IL1RAPL2: variants seen among roughly 807,000 people sequenced by gnomAD.
The protein encoded by IL1RAPL2 is X-linked interleukin-1 receptor accessory protein-like 2.
Under a neutral mutation model 44.1 loss-of-function variants are expected in IL1RAPL2, and 3 were observed. The ratio of observed to expected loss-of-function variants is 0.07; its 90% CI spans 0.03 to 0.18. The LOEUF (loss-of-function observed/expected upper bound fraction) is 0.18. Among genes scored for constraint, IL1RAPL2 ranks in the 10% least tolerant of loss-of-function variants. IL1RAPL2 has a pLI of 1.00. For synonymous variants in IL1RAPL2, 181 were observed against 178.8 expected, an observed-to-expected ratio of 1.01 and a Z score of -0.10; for missense variants, 391 against 496.4, an observed-to-expected ratio of 0.79 and a Z score of 2.02.
At chrX:105,186,690 T>C (rs1039151446) in intron 2 of IL1RAPL2, among the ~76,000 whole-genome samples, 2 of 111,792 alleles carry the variant, frequency 1.8e-5, no homozygotes, top group Non-Finnish European at 3.8e-5. Context: ...TTATTCCTGT[T>C]TGTTAGATGC....
chrX:104,625,921 T>G (rs1929497832), intron 1 of IL1RAPL2, among the ~76,000 whole-genome samples: 1 of 111,258 alleles, frequency 9.0e-6, no homozygotes, highest in South Asian at 3.8e-4. Context: ...CTGTATAATC[T>G]TCAGGCAACT....
intron 2 of IL1RAPL2, among the ~76,000 whole-genome samples, chrX:104,770,201 T>G (rs1050307253): frequency 1.8e-5 from 2 of 111,284 alleles, no homozygotes; most frequent in African/African-American, 6.5e-5. Flanking sequence ...CCCAGAATAA[T>G]CTTAGCCCTT....
intron 3 of IL1RAPL2, among the ~76,000 whole-genome samples, chrX:105,198,460 A>G (rs142393631): frequency 0.013 from 1,487 of 112,266 alleles, 28 homozygotes; most frequent in African/African-American, 0.046. Flanking sequence ...TCTTCGATTT[A>G]CGTAGTTATT....
At chrX:105,207,700 A>G (rs958550231) in intron 3 of IL1RAPL2, among the ~76,000 whole-genome samples, 4 of 111,681 alleles carry the variant, frequency 3.6e-5, no homozygotes, top group Admixed American at 9.5e-5. Context: ...GCTTCTTGCA[A>G]TTCTTCAGCT....
chrX:105,568,514 A>G (rs1350979805), intron 6 of IL1RAPL2, among the ~76,000 whole-genome samples: 1 of 111,893 alleles, frequency 8.9e-6, no homozygotes, highest in Non-Finnish European at 1.9e-5. Flanking sequence ...CTGATGGGAA[A>G]TGAAGGGTGT....
At chrX:105,544,083 T>G (rs2036768182) in intron 6 of IL1RAPL2, among the ~76,000 whole-genome samples, 2 of 112,085 alleles carry the variant, frequency 1.8e-5, no homozygotes, top group Non-Finnish European at 3.8e-5. Flanking sequence ...ATATTTTCTT[T>G]AATTTCTCTC....
chrX:104,885,266 C>T lies in IL1RAPL2; in HGVS notation c.82+226271C>T, dbSNP rs192037764. Among the ~76,000 whole-genome samples, 172 of 111,750 alleles carry T rather than the reference C, an allele frequency of 1.5e-3. 1 individual carries two copies. Among genetic ancestry groups the T allele is most frequent in the Non-Finnish European group, 2.6e-3 (140 of 53,144 alleles). On this transcript the variant is annotated intron_variant, in intron 2 of 10. Transcript: ENST00000372582. ...ACAAATTCCCTACTGGTCAGCAAGC[C>T]ATCCCCAGTATGGATCCCCACTGGG...
intron 6 of IL1RAPL2, among the ~76,000 whole-genome samples, chrX:105,686,642 C>A (rs1351999433): frequency 9.0e-6 from 1 of 111,078 alleles, no homozygotes; most frequent in Non-Finnish European, 1.9e-5. Context: ...TAACACCCCA[C>A]TGTCTGTATT....
intron 2 of IL1RAPL2, among the ~76,000 whole-genome samples, chrX:104,985,305 C>T (rs766594335): frequency 0.16 from 22 of 138 alleles, no homozygotes; most frequent in Non-Finnish European, 0.21. Flanking sequence ...CCAGGCTGGT[C>T]TCGAACTCCT....
At position 104,620,333 on chromosome X, in the gene IL1RAPL2, A is replaced by AT. The variant is rs112177217; in HGVS notation, c.-19-38549dup. Among the ~76,000 whole-genome samples the AT allele has an allele frequency of 4.2e-3, 427 of 102,859 alleles. 2 individuals carry two copies. Among genetic ancestry groups the AT allele is most frequent in the South Asian group, 0.019 (42 of 2,259 alleles). 89.3% of individuals were successfully genotyped at this position (102,859 alleles called of 115,157 possible). A position where few individuals can be genotyped will look rare whatever the true frequency, so the allele number is the denominator to read the frequency against. ...GTTCCCCCAAAACTATTGAAATACAATTTTTTTTTTTTTAAAGAGATGGTG... is the reference window on the plus strand; with the variant it reads ...GTTCCCCCAAAACTATTGAAATACAATTTTTTTTTTTTTTAAAGAGATGGTG... On this transcript the variant is annotated intron_variant, in intron 1 of 10. Transcript: ENST00000372582.
chrX:105,006,388 A>G (rs929574437), intron 2 of IL1RAPL2, among the ~76,000 whole-genome samples: 1 of 110,664 alleles, frequency 9.0e-6, no homozygotes, highest in Non-Finnish European at 1.9e-5. Flanking sequence ...AGAGAAAACA[A>G]TGTAAATATT....
At chrX:104,714,322 C>G (rs1012566473) in intron 2 of IL1RAPL2, among the ~76,000 whole-genome samples, 5 of 111,144 alleles carry the variant, frequency 4.5e-5, no homozygotes, top group Non-Finnish European at 9.5e-5. Flanking sequence ...TGTCCCCACA[C>G]AAATCTCACT....
intron 6 of IL1RAPL2, among the ~76,000 whole-genome samples, chrX:105,593,297 A>T (rs1387913219): frequency 8.9e-6 from 1 of 111,889 alleles, no homozygotes; most frequent in Non-Finnish European, 1.9e-5. Context: ...GTTCTTTTTT[A>T]AAATGGCTAT....
chrX:104,724,484 A>G (rs1931748742), intron 2 of IL1RAPL2, among the ~76,000 whole-genome samples: 1 of 111,418 alleles, frequency 9.0e-6, no homozygotes, highest in South Asian at 3.8e-4. Context: ...AGCATGGTGG[A>G]GGAGCAATAT....
chrX:104,887,442 G>A (rs911957094), intron 2 of IL1RAPL2, among the ~76,000 whole-genome samples: 4 of 112,104 alleles, frequency 3.6e-5, no homozygotes, highest in Non-Finnish European at 5.6e-5. Flanking sequence ...GTAGCAAAAA[G>A]CTGGCCTCAC....
At chrX:104,776,567 A>T (rs1932723103) in intron 2 of IL1RAPL2, among the ~76,000 whole-genome samples, 1 of 111,905 alleles carries the variant, frequency 8.9e-6, no homozygotes, top group South Asian at 3.7e-4. Flanking sequence ...GTGATCAGTG[A>T]AGCACATGAA....
At chrX:104,914,786 A>G (rs778718249) in intron 2 of IL1RAPL2, among the ~76,000 whole-genome samples, 2 of 110,348 alleles carry the variant, frequency 1.8e-5, no homozygotes, top group African/African-American at 6.6e-5. Flanking sequence ...TCATCGTTCA[A>G]TTCCCATCTA....
chrX:104,896,997 T>C (rs982193342), intron 2 of IL1RAPL2, among the ~76,000 whole-genome samples: 1 of 111,348 alleles, frequency 9.0e-6, no homozygotes, highest in Admixed American at 9.5e-5. Flanking sequence ...ACTGGACACA[T>C]CTGAACATCT....
intron 6 of IL1RAPL2, among the ~76,000 whole-genome samples, chrX:105,538,185 C>T (rs909259437): frequency 2.8e-5 from 3 of 108,471 alleles, no homozygotes; most frequent in Admixed American, 2.0e-4. Flanking sequence ...TACGGGCACC[C>T]GCCACCACGC....
Sources: allele counts gnomAD v4.1 joint callset (sites outside exome capture counted in the v4.1 genomes callset), GRCh38; gene constraint gnomAD v4.1.1; transcripts MANE v1.5; gene names NCBI Gene and HGNC (gene_info 2026-07-23, HGNC 2026-07-21).